Variants in TENM2 observed in about 807,000 individuals in gnomAD.
The protein encoded by TENM2 is teneurin-2.
Under a neutral mutation model 245.2 loss-of-function variants are expected in TENM2, and 52 were observed. That is an observed-to-expected ratio of 0.21 (90% CI 0.17 to 0.27). The LOEUF (loss-of-function observed/expected upper bound fraction) is 0.27. Among genes scored for constraint, TENM2 ranks in the 10% least tolerant of loss-of-function variants. The pLI is 1.00. For missense variants in TENM2, 3,046 were observed against 3,666.8 expected, an observed-to-expected ratio of 0.83 and a Z score of 4.37; for synonymous variants, 1,363 against 1,438.9, an observed-to-expected ratio of 0.95 and a Z score of 1.19.
chr5:167,006,915 C>G, the TENM2 span, among the ~76,000 whole-genome samples: 1 of 152,190 alleles, frequency 6.6e-6, no homozygotes, highest in Non-Finnish European at 1.5e-5. Flanking sequence ...GATTCACCCA[C>G]CTCGGCCTCC....
intron 1 of TENM2, among the ~76,000 whole-genome samples, chr5:167,327,626 A>G (rs945439456): frequency 6.6e-6 from 1 of 152,198 alleles, no homozygotes; most frequent in African/African-American, 2.4e-5. Context: ...ATTTACCGAT[A>G]AAGGTGAGGT....
Position 168,262,292 on chromosome 5 carries a change from G to A in TENM2, c.7807G>A (p.Ala2603Thr), listed in dbSNP as rs775317253. ...CAAGGTGGCATCTGTGCTGAACAAC[G>A]CCTACTACCTGGACAAGATGCACTA... The change falls in exon 29 of 29, where the codon GCC (alanine) becomes ACC (threonine). Residue 2603 changes from alanine (A) to threonine (T), a missense_variant. Ala to Thr is a moderately conservative substitution (Grantham distance 58). Transcript: ENST00000518659. 8.1e-6 allele frequency: 13 copies of A among 1,609,708 alleles called. No individual in the cohort carries two copies. Among genetic ancestry groups the A allele is most frequent in the South Asian group, 4.4e-5 (4 of 89,986 alleles).
the TENM2 span, among the ~76,000 whole-genome samples, chr5:167,119,233 G>T: frequency 6.6e-6 from 1 of 152,156 alleles, no homozygotes; most frequent in East Asian, 1.9e-4. Flanking sequence ...AGTGTTTTAT[G>T]ATAAAAATCA....
At chr5:167,750,032 G>C (rs1026963678) in intron 2 of TENM2, among the ~76,000 whole-genome samples, 9 of 152,038 alleles carry the variant, frequency 5.9e-5, no homozygotes, top group African/African-American at 1.9e-4. Flanking sequence ...CAATGGAGAT[G>C]ATTTTTTCAA....
chr5:167,187,948 G>T, the TENM2 span, among the ~76,000 whole-genome samples: 1 of 152,244 alleles, frequency 6.6e-6, no homozygotes, highest in East Asian at 1.9e-4. Context: ...AGAGGCTGTT[G>T]TGTTTTGTTA....
the TENM2 span, among the ~76,000 whole-genome samples, chr5:167,241,138 A>G: frequency 6.6e-6 from 1 of 152,178 alleles, no homozygotes; most frequent in Non-Finnish European, 1.5e-5. Flanking sequence ...TCACACCCCA[A>G]ACCTGATATA....
chr5:167,784,838 G>A (rs1239490119), intron 2 of TENM2, among the ~76,000 whole-genome samples: 1 of 152,192 alleles, frequency 6.6e-6, no homozygotes, highest in Admixed American at 6.5e-5. Flanking sequence ...TTAAGAGTTT[G>A]TGTTATTTGG....
In TENM2 at chr5:167,380,923, A is replaced by G. The variant is rs115358005; in HGVS notation, c.502+5450A>G. ...TTTTAAGTTTAGTTGTTGTTTGTCA[A>G]TGATCAAATTAAGTTTATCTAATAG... On this transcript the variant is annotated intron_variant, in intron 2 of 28. Coordinates refer to ENST00000518659, the Ensembl canonical transcript of TENM2. 4.7e-3 allele frequency among the ~76,000 whole-genome samples: 709 copies of G among 152,270 alleles called. 3 individuals carry two copies. Among genetic ancestry groups the G allele is most frequent in the African/African-American group, 0.016 (681 of 41,556 alleles).
rs780592606 is a variant in TENM2 at position 168,005,249 on chromosome 5, C to T, written c.1186+12067C>T. Among the ~76,000 whole-genome samples the T allele has an allele frequency of 3.6e-4, 55 of 152,170 alleles. 1 individual carries two copies. The highest frequency in any genetic ancestry group is 6.6e-4 in the Non-Finnish European group (45 of 68,020). ...TGAAATGATCTGTGACTAAATGCAT[C>T]TTGAAGGAAGAAAAAGAGCTGTCTG... On this transcript the variant is annotated intron_variant, in intron 5 of 28. Coordinates refer to ENST00000518659, the Ensembl canonical transcript of TENM2.
intron 2 of TENM2, among the ~76,000 whole-genome samples, chr5:167,785,484 G>C (rs566551197): frequency 1.5e-4 from 23 of 152,310 alleles, no homozygotes; most frequent in African/African-American, 5.5e-4. Flanking sequence ...TGCAGGAAAA[G>C]GGGAAGCAGT....
At chr5:168,192,938 A>G (rs1305547451) in intron 14 of TENM2, among the ~76,000 whole-genome samples, 2 of 152,040 alleles carry the variant, frequency 1.3e-5, no homozygotes, top group Non-Finnish European at 2.9e-5. Flanking sequence ...TCTCCCTTTC[A>G]TGCTTTCTCC....
At chr5:167,737,204 T>A (rs1384936197) in intron 2 of TENM2, among the ~76,000 whole-genome samples, 2 of 152,184 alleles carry the variant, frequency 1.3e-5, no homozygotes, top group African/African-American at 4.8e-5. Flanking sequence ...CCTAAAGTGA[T>A]CATTGTCTGG....
chr5:168,227,828 ATTCTC>A, intron 24 of TENM2, 62 bp from the exon 27 acceptor site: 1 of 1,092,692 alleles, frequency 9.2e-7, no homozygotes. Context: ...TAGGGGTTCT[ATTCTC>A]TTCTGACTAA....
chr5:167,069,259 T>C, the TENM2 span, among the ~76,000 whole-genome samples: 3 of 152,184 alleles, frequency 2.0e-5, no homozygotes, highest in African/African-American at 7.2e-5. Flanking sequence ...TGGATTTTTA[T>C]AGGTTTTTCT....
intron 2 of TENM2, among the ~76,000 whole-genome samples, chr5:167,499,899 T>C (rs1434836130): frequency 2.7e-5 from 4 of 150,074 alleles, no homozygotes; most frequent in African/African-American, 7.4e-5. Context: ...TGTATATGTG[T>C]ATGTGAGGGT....
intron 1 of TENM2, among the ~76,000 whole-genome samples, chr5:167,344,766 G>C (rs193094418): frequency 2.6e-5 from 4 of 152,206 alleles, no homozygotes; most frequent in Admixed American, 6.5e-5. Flanking sequence ...CCAGAGACTT[G>C]AGGAGATTCA....
intron 1 of TENM2, among the ~76,000 whole-genome samples, chr5:167,352,799 C>G (rs1250410537): frequency 6.6e-6 from 1 of 152,184 alleles, no homozygotes; most frequent in African/African-American, 2.4e-5. Flanking sequence ...TCAAAGTCGG[C>G]ATTAACGCAA....
At chr5:168,223,726 A>G (rs1248432314) in intron 23 of TENM2, among the ~76,000 whole-genome samples, 2 of 151,996 alleles carry the variant, frequency 1.3e-5, no homozygotes, top group Non-Finnish European at 1.5e-5. Flanking sequence ...CAGCCTCCCA[A>G]AGTGCTGGGA....
the TENM2 span, among the ~76,000 whole-genome samples, chr5:167,229,645 C>A: frequency 1.3e-5 from 2 of 152,122 alleles, no homozygotes; most frequent in Non-Finnish European, 2.9e-5. Flanking sequence ...GTTTCAGATG[C>A]CACTGCGGGT....
Sources: gnomAD v4.1 joint callset for allele counts (sites outside exome capture counted in the v4.1 genomes callset) on GRCh38, gnomAD v4.1.1 for gene constraint, MANE v1.5 for transcripts, NCBI Gene and HGNC (gene_info 2026-07-23, HGNC 2026-07-21) for gene names.